The following NAALADL2 variants were observed in gnomAD, a reference collection of about 807,000 sequenced individuals.
The protein encoded by NAALADL2 is inactive N-acetylated-alpha-linked acidic dipeptidase-like protein 2.
In NAALADL2, 76 loss-of-function variants were observed where a neutral mutation model predicts 87.2. That is an observed-to-expected ratio of 0.87 (90% CI 0.72 to 1.05). The LOEUF (loss-of-function observed/expected upper bound fraction) is 1.05. Among genes scored for constraint, NAALADL2 ranks in the 50% least tolerant of loss-of-function variants. NAALADL2 has a pLI of 0.00. For missense variants in NAALADL2, 1,089 were observed against 945.8 expected (o/e 1.15, Z -1.99); for synonymous variants, 354 against 331.0 (o/e 1.07, Z -0.75).
At chr3:174,961,486 T>C (rs1004482379) in intron 1 of NAALADL2, among the ~76,000 whole-genome samples, 1 of 152,128 alleles carries the variant, frequency 6.6e-6, no homozygotes, top group Admixed American at 6.6e-5. Flanking sequence ...ATTTTTCTTC[T>C]TTAAATTAAT....
intron 1 of NAALADL2, among the ~76,000 whole-genome samples, chr3:175,088,084 A>G (rs949834918): frequency 2.0e-5 from 3 of 152,158 alleles, no homozygotes; most frequent in Non-Finnish European, 4.4e-5. Flanking sequence ...TAAAATTAAT[A>G]TATATGATCT....
chr3:175,220,782 C>T (rs78057498), intron 2 of NAALADL2, among the ~76,000 whole-genome samples: 1,856 of 152,054 alleles, frequency 0.012, 41 homozygotes, highest in African/African-American at 0.043. Context: ...GAATCTAGAT[C>T]GTTTATCTTT....
intron 1 of NAALADL2, among the ~76,000 whole-genome samples, chr3:174,926,768 T>C (rs894516804): frequency 2.6e-5 from 4 of 152,070 alleles, no homozygotes; most frequent in African/African-American, 9.7e-5. Flanking sequence ...ATTGTAAAGA[T>C]CATCGATGCT....
intron 2 of NAALADL2, among the ~76,000 whole-genome samples, chr3:174,680,211 A>G (rs904853823): frequency 3.9e-5 from 6 of 152,224 alleles, no homozygotes; most frequent in African/African-American, 1.4e-4. Flanking sequence ...ACCTTTGATT[A>G]TGTAATTTAC....
chr3:175,520,972 T>C (rs1424215444), intron 9 of NAALADL2, among the ~76,000 whole-genome samples: 1 of 152,118 alleles, frequency 6.6e-6, no homozygotes, highest in African/African-American at 2.4e-5. Flanking sequence ...CTGTTGGTAA[T>C]TTGAGAGAGA....
At position 175,535,746 on chromosome 3, in the gene NAALADL2, A is replaced by T. The variant is rs376442638; in HGVS notation, c.1654-40295A>T. On this transcript the variant is annotated intron_variant, in intron 9 of 13. Coordinates refer to ENST00000454872, the MANE Select transcript of NAALADL2 (RefSeq NM_207015.3). Reference sequence around the variant, plus strand: ...ACTTTAAATGTTGGGAAATTGAACCACCTGTTTCTCAAGTTGGAAACCTGA... The same window carrying T: ...ACTTTAAATGTTGGGAAATTGAACCTCCTGTTTCTCAAGTTGGAAACCTGA... Among the ~76,000 whole-genome samples, 29 of 152,246 alleles carry T rather than the reference A, an allele frequency of 1.9e-4. 1 individual carries two copies. The highest frequency in any genetic ancestry group is 9.7e-4 in the East Asian group (5 of 5,180).
chr3:175,288,806 T>G (rs954342888), intron 4 of NAALADL2, among the ~76,000 whole-genome samples: 1 of 152,190 alleles, frequency 6.6e-6, no homozygotes, highest in Non-Finnish European at 1.5e-5. Context: ...AATGCTGAGC[T>G]CTATGCTTGC....
intron 2 of NAALADL2, among the ~76,000 whole-genome samples, chr3:174,678,364 C>T (rs907161125): frequency 6.6e-6 from 1 of 152,114 alleles, no homozygotes; most frequent in Non-Finnish European, 1.5e-5. Flanking sequence ...AAGGTATATG[C>T]TTTCCCTGAA....
At chr3:175,618,191 T>C (rs1360398425) in intron 10 of NAALADL2, among the ~76,000 whole-genome samples, 3 of 152,188 alleles carry the variant, frequency 2.0e-5, no homozygotes, top group African/African-American at 7.2e-5. Flanking sequence ...CACGGTTGTC[T>C]GAAAACTTGC....
At chr3:175,263,436 C>G (rs1311518230) in intron 4 of NAALADL2, among the ~76,000 whole-genome samples, 1 of 151,862 alleles carries the variant, frequency 6.6e-6, no homozygotes, top group Non-Finnish European at 1.5e-5. Flanking sequence ...TACGAATCTT[C>G]AAAGTCTGTC....
intron 1 of NAALADL2, among the ~76,000 whole-genome samples, chr3:174,892,718 G>A (rs973263308): frequency 6.6e-6 from 1 of 152,040 alleles, no homozygotes; most frequent in African/African-American, 2.4e-5. Context: ...GAGCTCAGGA[G>A]TTCGAGACGA....
chr3:175,026,987 G>A lies in NAALADL2; in HGVS notation c.44-69803G>A, dbSNP rs919353347. 5.3e-5 allele frequency among the ~76,000 whole-genome samples: 8 copies of A among 152,118 alleles called. No homozygotes were observed. The East Asian group carries it at 7.7e-4, about 15-fold the overall frequency. On this transcript the variant is annotated intron_variant, in intron 1 of 13. Transcript: ENST00000454872. ...GGATACTCTGTATATGGCAACAATAGCAATAACAGTTTCTATACTTTGGTG... is the reference window on the plus strand; with the variant it reads ...GGATACTCTGTATATGGCAACAATAACAATAACAGTTTCTATACTTTGGTG...
intron 1 of NAALADL2, among the ~76,000 whole-genome samples, chr3:174,917,659 A>G (rs570154838): frequency 6.6e-6 from 1 of 152,136 alleles, no homozygotes; most frequent in South Asian, 2.1e-4. Flanking sequence ...AATGAGATGA[A>G]TTATTTGAAA....
At chr3:174,668,651 T>C (rs2108796232) in intron 2 of NAALADL2, among the ~76,000 whole-genome samples, 1 of 152,238 alleles carries the variant, frequency 6.6e-6, no homozygotes, top group Middle Eastern at 3.4e-3. Flanking sequence ...AATTCCCACC[T>C]ATGAGTGAGA....
chr3:174,479,786 T>A (rs894086138), intron 1 of NAALADL2, among the ~76,000 whole-genome samples: 3 of 152,046 alleles, frequency 2.0e-5, no homozygotes, highest in African/African-American at 4.8e-5. Context: ...GTGGAAGATA[T>A]AGGTATGTAG....
intron 5 of NAALADL2, among the ~76,000 whole-genome samples, chr3:175,375,850 GTTAA>G (rs940793421): frequency 4.2e-4 from 63 of 151,480 alleles, no homozygotes; most frequent in African/African-American, 1.4e-3. Context: ...TGTATTATTT[GTTAA>G]TTGAGTATTA....
chr3:174,769,595 C>A (rs1329122479), intron 3 of NAALADL2, among the ~76,000 whole-genome samples: 1 of 150,774 alleles, frequency 6.6e-6, no homozygotes, highest in East Asian at 1.9e-4. Flanking sequence ...TTTATTATAC[C>A]TTTCATTTTT....
At chr3:174,795,701 C>A (rs141002245) in intron 3 of NAALADL2, among the ~76,000 whole-genome samples, 1 of 152,170 alleles carries the variant, frequency 6.6e-6, no homozygotes, top group African/African-American at 2.4e-5. Context: ...CCAACACTTG[C>A]TATTGTATGA....
chr3:175,484,333 A>G (rs1244530022), intron 9 of NAALADL2, among the ~76,000 whole-genome samples: 1 of 152,158 alleles, frequency 6.6e-6, no homozygotes, highest in Non-Finnish European at 1.5e-5. Flanking sequence ...CTTAAAAGAA[A>G]TAATTATTTG....
Sources: allele counts gnomAD v4.1 joint callset (sites outside exome capture counted in the v4.1 genomes callset), GRCh38; gene constraint gnomAD v4.1.1; transcripts MANE v1.5; gene names NCBI Gene and HGNC (gene_info 2026-07-23, HGNC 2026-07-21).